Variants in CCSER1 observed in about 807,000 individuals in gnomAD.
The protein encoded by CCSER1 is serine-rich coiled-coil domain-containing protein 1.
Under a neutral mutation model 82.0 loss-of-function variants are expected in CCSER1, and 41 were observed. The observed-to-expected ratio is 0.50, with a 90% CI of 0.39 to 0.65. The LOEUF is 0.65. Ranked by LOEUF, CCSER1 falls within the 30% of genes least tolerant of loss-of-function variation. CCSER1 has a pLI of 0.00. For synonymous variants in CCSER1, 414 were observed against 383.9 expected, an observed-to-expected ratio of 1.08 and a Z score of -0.92; for missense variants, 1,119 against 1,064.2, an observed-to-expected ratio of 1.05 and a Z score of -0.72.
At chr4:90,267,501 G>A (rs1725455587) in intron 1 of CCSER1, among the ~76,000 whole-genome samples, 1 of 152,146 alleles carries the variant, frequency 6.6e-6, no homozygotes, top group African/African-American at 2.4e-5. Context: ...CAAACATAGA[G>A]ATAGGTAGTG....
At chr4:91,086,036 A>ACTTAT in intron 10 of CCSER1, 42 bp downstream of exon 10, 1 of 1,213,540 alleles carries the variant, frequency 8.2e-7, no homozygotes, top group Non-Finnish European at 1.2e-6. Context: ...AAGAGGAAAC[A>ACTTAT]TGGCTATGGT....
At chr4:91,520,185 A>G (rs1184720781) in intron 10 of CCSER1, among the ~76,000 whole-genome samples, 1 of 151,704 alleles carries the variant, frequency 6.6e-6, no homozygotes, top group East Asian at 1.9e-4. Context: ...ATACATGGAT[A>G]TATGTTTTTG....
At chr4:90,480,972 A>G (rs1466032146) in intron 5 of CCSER1, among the ~76,000 whole-genome samples, 4 of 152,228 alleles carry the variant, frequency 2.6e-5, no homozygotes, top group African/African-American at 9.6e-5. Flanking sequence ...TTTGGGCAGT[A>G]TGGCCATTTT....
At chr4:91,291,118 C>T (rs1192440632) in intron 10 of CCSER1, among the ~76,000 whole-genome samples, 3 of 151,486 alleles carry the variant, frequency 2.0e-5, no homozygotes, top group African/African-American at 2.4e-5. Context: ...TAATAAATAT[C>T]TGTAAGCACC....
At chr4:90,998,537 G>T (rs1053239085) in intron 9 of CCSER1, among the ~76,000 whole-genome samples, 2 of 152,082 alleles carry the variant, frequency 1.3e-5, no homozygotes, top group Admixed American at 1.3e-4. Context: ...CTATGGGGAT[G>T]CCTGCTTTAT....
intron 5 of CCSER1, among the ~76,000 whole-genome samples, chr4:90,541,050 A>C (rs1046536898): frequency 6.6e-6 from 1 of 152,064 alleles, no homozygotes; most frequent in African/African-American, 2.4e-5. Context: ...TAGGTAAGAA[A>C]ATTTCTTTGC....
chr4:91,079,134 A>C (rs1327544606), intron 9 of CCSER1, among the ~76,000 whole-genome samples: 4 of 152,190 alleles, frequency 2.6e-5, no homozygotes, highest in African/African-American at 9.7e-5. Flanking sequence ...TTTCAGATTC[A>C]CCAAAGTTGA....
At chr4:91,231,148 G>A (rs894511580) in intron 10 of CCSER1, among the ~76,000 whole-genome samples, 15 of 151,730 alleles carry the variant, frequency 9.9e-5, no homozygotes, top group African/African-American at 3.1e-4. Flanking sequence ...TACGCACGAC[G>A]GTATTCATTG....
At chr4:90,497,951 T>C (rs1307527468) in intron 5 of CCSER1, among the ~76,000 whole-genome samples, 5 of 142,894 alleles carry the variant, frequency 3.5e-5, no homozygotes, top group Non-Finnish European at 6.1e-5. Flanking sequence ...AACAGTCTCT[T>C]TTTTTTTTTT....
intron 10 of CCSER1, among the ~76,000 whole-genome samples, chr4:91,330,528 TAGCTG>T: frequency 6.6e-6 from 1 of 152,164 alleles, no homozygotes; most frequent in East Asian, 1.9e-4. Flanking sequence ...GATAACCCTT[TAGCTG>T]AGCTAAGTGA....
At chr4:90,305,755 A>G (rs576833225) in intron 1 of CCSER1, among the ~76,000 whole-genome samples, 7 of 152,320 alleles carry the variant, frequency 4.6e-5, no homozygotes, top group African/African-American at 1.2e-4. Flanking sequence ...CACAGCCTCT[A>G]TGGAACACAG....
intron 10 of CCSER1, among the ~76,000 whole-genome samples, chr4:91,361,149 G>T (rs1196053382): frequency 2.6e-5 from 4 of 151,726 alleles, no homozygotes; most frequent in Admixed American, 2.6e-4. Context: ...TCACATATAT[G>T]TTTTATTAGC....
intron 10 of CCSER1, among the ~76,000 whole-genome samples, chr4:91,212,575 GT>G (rs1393097918): frequency 6.6e-6 from 1 of 152,084 alleles, no homozygotes; most frequent in Non-Finnish European, 1.5e-5. Context: ...AGGGAAAAAT[GT>G]AGAATTAAAT....
intron 7 of CCSER1, among the ~76,000 whole-genome samples, chr4:90,805,980 C>T (rs1163757162): frequency 1.3e-5 from 2 of 151,990 alleles, no homozygotes; most frequent in African/African-American, 2.4e-5. Flanking sequence ...TGCTATCAAC[C>T]CTCATTTGAG....
intron 5 of CCSER1, among the ~76,000 whole-genome samples, chr4:90,508,760 A>G (rs184617099): frequency 9.2e-5 from 14 of 152,152 alleles, no homozygotes; most frequent in Admixed American, 9.2e-4. Context: ...GCTTAATTAT[A>G]GTATAATTAA....
intron 10 of CCSER1, among the ~76,000 whole-genome samples, chr4:91,206,152 T>C (rs577328913): frequency 6.6e-6 from 1 of 151,962 alleles, no homozygotes; most frequent in South Asian, 2.1e-4. Flanking sequence ...AGAGAGAGCA[T>C]TGTCCATTGA....
intron 10 of CCSER1, among the ~76,000 whole-genome samples, chr4:91,436,766 T>C (rs973803243): frequency 1.3e-5 from 2 of 152,166 alleles, no homozygotes; most frequent in Non-Finnish European, 2.9e-5. Context: ...AAGCCACAGA[T>C]GGATCTAAAT....
At chr4:91,446,660 A>G (rs1490029961) in intron 10 of CCSER1, among the ~76,000 whole-genome samples, 1 of 97,232 alleles carries the variant, frequency 1.0e-5, no homozygotes, top group African/African-American at 3.6e-5. Flanking sequence ...ATACAAATAT[A>G]TATTTTAAAT....
chr4:91,373,047 C>A (rs1448401793), intron 10 of CCSER1, among the ~76,000 whole-genome samples: 1 of 151,104 alleles, frequency 6.6e-6, no homozygotes, highest in Non-Finnish European at 1.5e-5. Context: ...GTGTTTTTGA[C>A]CTGCAGGCAG....
Sources: gnomAD v4.1 joint callset for allele counts (sites outside exome capture counted in the v4.1 genomes callset) on GRCh38, gnomAD v4.1.1 for gene constraint, MANE v1.5 for transcripts, NCBI Gene and HGNC (gene_info 2026-07-23, HGNC 2026-07-21) for gene names.